KCNMA1: variants seen among roughly 807,000 people sequenced by gnomAD.
KCNMA1 encodes Calcium-activated potassium channel subunit alpha-1.
KCNMA1 carries 29 observed loss-of-function variants against 140.0 expected under a neutral mutation model. That is an observed-to-expected ratio of 0.21 (90% CI 0.15 to 0.28). The LOEUF (loss-of-function observed/expected upper bound fraction) is 0.28. Among genes scored for constraint, KCNMA1 ranks in the 10% least tolerant of loss-of-function variants. The probability of loss-of-function intolerance (pLI) is 1.00; values close to 1 mark genes in which losing one functional copy is unlikely to be tolerated. For synonymous variants in KCNMA1, 612 were observed against 611.9 expected, an observed-to-expected ratio of 1.00 and a Z score of 0.00; for missense variants, 880 against 1,602.2, an observed-to-expected ratio of 0.55 and a Z score of 7.70.
At chr10:76,929,738 C>T (rs185086393) in intron 23 of KCNMA1, among the ~76,000 whole-genome samples, 1 of 152,092 alleles carries the variant, frequency 6.6e-6, no homozygotes, top group Non-Finnish European at 1.5e-5. Flanking sequence ...TGGAGTATGG[C>T]CTGAGCATTT....
At chr10:76,907,642 G>A (rs891182922) in intron 25 of KCNMA1, among the ~76,000 whole-genome samples, 11 of 152,224 alleles carry the variant, frequency 7.2e-5, no homozygotes, top group African/African-American at 2.4e-4. Flanking sequence ...AGGCTCAAGC[G>A]ATTCTCAGGC....
chr10:77,193,528 T>C (rs2039346245), intron 3 of KCNMA1, among the ~76,000 whole-genome samples: 1 of 152,034 alleles, frequency 6.6e-6, no homozygotes, highest in Non-Finnish European at 1.5e-5. Flanking sequence ...ATGGAGTAGG[T>C]GATTCAAATA....
chr10:77,011,389 A>G (rs2090695765), intron 18 of KCNMA1, among the ~76,000 whole-genome samples: 2 of 152,184 alleles, frequency 1.3e-5, no homozygotes, highest in Admixed American at 1.3e-4. Context: ...AAGAGCGATG[A>G]TGCTTGAGGT....
intron 1 of KCNMA1, among the ~76,000 whole-genome samples, chr10:77,609,975 C>T (rs1226454429): frequency 1.3e-5 from 2 of 152,276 alleles, no homozygotes; most frequent in Middle Eastern, 3.4e-3. Flanking sequence ...AGTAACAAGG[C>T]GATGAAAACA....
At chr10:77,485,880 C>G (rs1463976439) in intron 1 of KCNMA1, among the ~76,000 whole-genome samples, 2 of 152,076 alleles carry the variant, frequency 1.3e-5, no homozygotes, top group Non-Finnish European at 2.9e-5. Context: ...TGGGGCCTCC[C>G]AGAATGCCAG....
At chr10:76,943,271 C>A (rs548490570) in intron 23 of KCNMA1, among the ~76,000 whole-genome samples, 3 of 152,302 alleles carry the variant, frequency 2.0e-5, no homozygotes, top group African/African-American at 7.2e-5. Flanking sequence ...ACATGTTGTG[C>A]TGTCCTGCGG....
chr10:77,534,730 T>C (rs1236495335), intron 1 of KCNMA1, among the ~76,000 whole-genome samples: 1 of 152,196 alleles, frequency 6.6e-6, no homozygotes, highest in Non-Finnish European at 1.5e-5. Flanking sequence ...TAATTTACTC[T>C]ACATTTCAAA....
At chr10:77,634,907 T>C (rs899930498) in intron 1 of KCNMA1, 1 of 152,592 alleles carries the variant, frequency 6.6e-6, no homozygotes, top group Non-Finnish European at 1.5e-5. Flanking sequence ...TGGCTACCTA[T>C]GGCTTAAGTG....
Position 77,547,490 on chromosome 10 carries a change from C to G in KCNMA1, c.378+89775G>C, listed in dbSNP as rs372639442. 2.0e-5 allele frequency among the ~76,000 whole-genome samples: 3 copies of G among 152,202 alleles called. No individual in the cohort carries two copies. The East Asian group carries it at 5.8e-4, about 29-fold the overall frequency. On this transcript the variant is annotated intron_variant, in intron 1 of 27. Coordinates refer to ENST00000286628, the MANE Select transcript of KCNMA1 (RefSeq NM_001161352.2). ...AGAGCCAAGAACCCAAGTGTCTGAG[C>G]TTTTACAGTAACCCAAACTCACCCA...
chr10:76,907,347 C>T (rs1022239148), intron 25 of KCNMA1, among the ~76,000 whole-genome samples: 6 of 152,174 alleles, frequency 3.9e-5, no homozygotes, highest in Non-Finnish European at 8.8e-5. Flanking sequence ...GATATAGATG[C>T]TTGTGCAACT....
At chr10:77,080,499 T>G (rs950331355) in intron 12 of KCNMA1, among the ~76,000 whole-genome samples, 1 of 152,192 alleles carries the variant, frequency 6.6e-6, no homozygotes, top group African/African-American at 2.4e-5. Context: ...CCTGAGGGGT[T>G]GCAGACACTG....
chr10:77,358,926 C>T (rs141748586), intron 2 of KCNMA1, among the ~76,000 whole-genome samples: 1 of 152,342 alleles, frequency 6.6e-6, no homozygotes, highest in African/African-American at 2.4e-5. Flanking sequence ...AAGCCACCCT[C>T]GGTCAAACCT....
At chr10:77,277,096 T>C (rs773106879) in intron 2 of KCNMA1, among the ~76,000 whole-genome samples, 1 of 152,194 alleles carries the variant, frequency 6.6e-6, no homozygotes, top group Non-Finnish European at 1.5e-5. Flanking sequence ...CCCTGAGATG[T>C]GCTCAGCAAG....
At chr10:77,124,546 C>T (rs2097692578) in intron 5 of KCNMA1, among the ~76,000 whole-genome samples, 1 of 152,106 alleles carries the variant, frequency 6.6e-6, no homozygotes, top group African/African-American at 2.4e-5. Flanking sequence ...ATTTATTTTT[C>T]CCAACATGGA....
chr10:76,889,073 CAAA>C (rs547484126), intron 27 of KCNMA1, among the ~76,000 whole-genome samples: 178 of 148,776 alleles, frequency 1.2e-3, no homozygotes, highest in African/African-American at 4.2e-3. Flanking sequence ...AACAAACAAA[CAAA>C]AAACAAAAAA....
intron 2 of KCNMA1, among the ~76,000 whole-genome samples, chr10:77,336,861 T>C (rs888125189): frequency 3.3e-5 from 5 of 152,182 alleles, no homozygotes; most frequent in African/African-American, 1.2e-4. Context: ...TCTGCCCTAC[T>C]GAAAGGAACA....
intron 16 of KCNMA1, 147 bp downstream of exon 16, chr10:77,027,676 C>T (rs2093585072): frequency 1.1e-5 from 8 of 761,830 alleles, no homozygotes; most frequent in South Asian, 1.4e-5. Flanking sequence ...GGGCATGCCT[C>T]GAAATGTGCT....
intron 14 of KCNMA1, among the ~76,000 whole-genome samples, chr10:77,052,813 C>T (rs2153636124): frequency 6.6e-6 from 1 of 152,192 alleles, no homozygotes; most frequent in East Asian, 1.9e-4. Context: ...AAAAGTTTTG[C>T]AGTCAAGCAG....
intron 1 of KCNMA1, among the ~76,000 whole-genome samples, chr10:77,602,204 G>C (rs1320903149): frequency 6.6e-6 from 1 of 152,178 alleles, no homozygotes; most frequent in Non-Finnish European, 1.5e-5. Flanking sequence ...GGGAGACGGG[G>C]ATGCGCTTGT....
Sources: allele counts gnomAD v4.1 joint callset (sites outside exome capture counted in the v4.1 genomes callset), GRCh38; gene constraint gnomAD v4.1.1; transcripts MANE v1.5; gene names NCBI Gene and HGNC (gene_info 2026-07-23, HGNC 2026-07-21).